Variants in NCAM2 observed in about 807,000 individuals in gnomAD.
NCAM2 encodes neural cell adhesion molecule 2.
Under a neutral mutation model 98.1 loss-of-function variants are expected in NCAM2, and 30 were observed. The ratio of observed to expected loss-of-function variants is 0.31; its 90% CI spans 0.23 to 0.41. NCAM2 has a LOEUF of 0.41. Ranked by LOEUF, NCAM2 falls within the 10% of genes least tolerant of loss-of-function variation. NCAM2 has a pLI of 1.00. For synonymous variants in NCAM2, 368 were observed against 342.4 expected (o/e 1.07, Z -0.83); for missense variants, 867 against 1,005.8 (o/e 0.86, Z 1.87).
At chr21:21,332,673 C>A (rs1462203059) in intron 6 of NCAM2, among the ~76,000 whole-genome samples, 3 of 152,102 alleles carry the variant, frequency 2.0e-5, no homozygotes, top group Admixed American at 2.0e-4. Context: ...CATTATCTAA[C>A]CTGCACCTTC....
intron 8 of NCAM2, among the ~76,000 whole-genome samples, chr21:21,371,794 G>A (rs2075920532): frequency 6.6e-6 from 1 of 151,642 alleles, no homozygotes; most frequent in Admixed American, 6.6e-5. Flanking sequence ...GCCACCAAGG[G>A]TAGAAACTAT....
chr21:21,455,626 A>G (rs1327329282), intron 12 of NCAM2, among the ~76,000 whole-genome samples: 2 of 152,074 alleles, frequency 1.3e-5, no homozygotes, highest in Non-Finnish European at 2.9e-5. Flanking sequence ...AATATAATGC[A>G]ATATTTTCCT....
chr21:21,299,293 C>T (rs1403441717), intron 5 of NCAM2, among the ~76,000 whole-genome samples: 4 of 149,158 alleles, frequency 2.7e-5, no homozygotes, highest in African/African-American at 5.0e-5. Context: ...TCACCACTAT[C>T]TCTTGCCTTT....
intron 1 of NCAM2, among the ~76,000 whole-genome samples, chr21:21,139,970 C>T (rs1569066412): frequency 6.6e-6 from 1 of 152,060 alleles, no homozygotes; most frequent in Non-Finnish European, 1.5e-5. Context: ...TCATCATGAA[C>T]AATTGTATAA....
At chr21:21,396,161 G>GA (rs34951356) in intron 9 of NCAM2, among the ~76,000 whole-genome samples, 994 of 137,676 alleles carry the variant, frequency 7.2e-3, no homozygotes, top group Middle Eastern at 0.02. Context: ...AAATCAGCAA[G>GA]AAAAAAAAAA....
chr21:21,162,382 A>C (rs1452559189), intron 1 of NCAM2, among the ~76,000 whole-genome samples: 1 of 152,178 alleles, frequency 6.6e-6, no homozygotes, highest in East Asian at 1.9e-4. Context: ...AGTTTGAAAA[A>C]TATACATAAA....
chr21:21,401,471 C>T (rs2076629037), intron 9 of NCAM2, among the ~76,000 whole-genome samples: 1 of 152,072 alleles, frequency 6.6e-6, no homozygotes, highest in African/African-American at 2.4e-5. Context: ...TTCCTCTTAC[C>T]ACCATAACCT....
At chr21:21,118,649 CCTTA>C (rs2146556128) in intron 1 of NCAM2, among the ~76,000 whole-genome samples, 1 of 152,016 alleles carries the variant, frequency 6.6e-6, no homozygotes, top group African/African-American at 2.4e-5. Flanking sequence ...TTCTACTTCC[CCTTA>C]CTTCCTTCTA....
intron 5 of NCAM2, among the ~76,000 whole-genome samples, chr21:21,293,154 G>A (rs1029486954): frequency 6.6e-6 from 1 of 151,852 alleles, no homozygotes; most frequent in African/African-American, 2.4e-5. Context: ...TGAAGACACA[G>A]ATTTTGTTGA....
chr21:21,228,508 A>G (rs944947185), intron 1 of NCAM2, among the ~76,000 whole-genome samples: 2 of 151,472 alleles, frequency 1.3e-5, no homozygotes, highest in African/African-American at 2.4e-5. Context: ...GAAATATTAT[A>G]TACTGGTGAA....
intron 15 of NCAM2, among the ~76,000 whole-genome samples, chr21:21,499,693 G>T (rs1042788802): frequency 6.6e-6 from 1 of 151,936 alleles, no homozygotes; most frequent in Non-Finnish European, 1.5e-5. Flanking sequence ...TAAAATAATA[G>T]ATTTAACAAA....
chr21:21,171,847 T>TTA (rs201357949), intron 1 of NCAM2, among the ~76,000 whole-genome samples: 2 of 33,394 alleles, frequency 6.0e-5, no homozygotes, highest in Non-Finnish European at 4.0e-4. Context: ...ATCAACAGAA[T>TTA]TTTTTTTTTC....
At chr21:21,524,077 G>A (rs200488158) in intron 16 of NCAM2, among the ~76,000 whole-genome samples, 6 of 151,052 alleles carry the variant, frequency 4.0e-5, no homozygotes, top group East Asian at 1.9e-4. Flanking sequence ...ATAATGACAC[G>A]TGAATTAAAG....
At chr21:21,334,621 A>G (rs77371929) in intron 6 of NCAM2, among the ~76,000 whole-genome samples, 1,989 of 152,202 alleles carry the variant, frequency 0.013, 43 homozygotes, top group African/African-American at 0.046. Context: ...AGAAAAATAC[A>G]GGAGGGGATG....
chr21:21,373,832 ATCTT>A (rs756019638), intron 8 of NCAM2, 27 bp from the exon 9 acceptor site: 1 of 1,558,472 alleles, frequency 6.4e-7, no homozygotes. Flanking sequence ...CAAGCATAAA[ATCTT>A]TCTTTTTCCT....
chr21:21,068,362 G>A (rs1477683722), intron 1 of NCAM2, among the ~76,000 whole-genome samples: 8 of 151,456 alleles, frequency 5.3e-5, no homozygotes, highest in African/African-American at 7.3e-5. Flanking sequence ...TGGAACTCCT[G>A]ACCTCAGGTG....
chr21:21,387,326 T>A (rs962760153), intron 9 of NCAM2, among the ~76,000 whole-genome samples: 2 of 152,068 alleles, frequency 1.3e-5, no homozygotes, highest in Non-Finnish European at 2.9e-5. Flanking sequence ...AAGGCCCTAC[T>A]TCCAAATACC....
intron 1 of NCAM2, among the ~76,000 whole-genome samples, chr21:21,110,797 C>T (rs539928055): frequency 3.3e-5 from 5 of 151,924 alleles, no homozygotes; most frequent in East Asian, 3.9e-4. Context: ...TACCACTTAT[C>T]GAGGAACTGA....
At chr21:21,005,429 G>A (rs1167713130) in intron 1 of NCAM2, among the ~76,000 whole-genome samples, 1 of 151,996 alleles carries the variant, frequency 6.6e-6, no homozygotes, top group African/African-American at 2.4e-5. Context: ...AAATGAAAAA[G>A]TGCACCCATT....
Sources: gnomAD v4.1 joint callset for allele counts (sites outside exome capture counted in the v4.1 genomes callset) on GRCh38, gnomAD v4.1.1 for gene constraint, MANE v1.5 for transcripts, NCBI Gene and HGNC (gene_info 2026-07-23, HGNC 2026-07-21) for gene names.